Variants in CSMD1 observed in about 807,000 individuals in gnomAD.
CSMD1 encodes the protein CUB and sushi domain-containing protein 1.
In CSMD1, 213 loss-of-function variants were observed where a neutral mutation model predicts 417.5. That is an observed-to-expected ratio of 0.51 (90% CI 0.46 to 0.57). The LOEUF (loss-of-function observed/expected upper bound fraction) is 0.57. Among genes scored for constraint, CSMD1 ranks in the 20% least tolerant of loss-of-function variants. The probability of loss-of-function intolerance (pLI) is 0.00; values close to 1 mark genes in which losing one functional copy is unlikely to be tolerated. For synonymous variants in CSMD1, 2,862 were observed against 1,736.8 expected (o/e 1.65, Z -16.11); for missense variants, 6,923 against 4,529.7 (o/e 1.53, Z -15.17).
intron 7 of CSMD1, among the ~76,000 whole-genome samples, chr8:3,674,255 G>C (rs1799249449): frequency 1.3e-5 from 2 of 152,244 alleles, no homozygotes; most frequent in South Asian, 4.2e-4. Flanking sequence ...TTTGTTAGTT[G>C]ACTGTAACCC....
intron 7 of CSMD1, among the ~76,000 whole-genome samples, chr8:3,677,246 T>C (rs545894590): frequency 6.6e-6 from 1 of 152,172 alleles, no homozygotes; most frequent in Non-Finnish European, 1.5e-5. Flanking sequence ...CCAAGATTAA[T>C]AGCATGCATC....
chr8:3,292,107 G>C (rs138416719), intron 25 of CSMD1, among the ~76,000 whole-genome samples: 2,121 of 152,240 alleles, frequency 0.014, 20 homozygotes, highest in Non-Finnish European at 0.023. Context: ...TCAGGAGCAG[G>C]TTGTTCAGTT....
intron 3 of CSMD1, among the ~76,000 whole-genome samples, chr8:4,234,865 C>A (rs1330267937): frequency 1.2e-4 from 19 of 152,118 alleles, no homozygotes; most frequent in Non-Finnish European, 1.5e-5. Context: ...TCTGTCCCCA[C>A]GTAGCTTTTC....
chr8:3,196,189 C>T (rs1394238529), intron 33 of CSMD1, among the ~76,000 whole-genome samples: 1 of 152,278 alleles, frequency 6.6e-6, no homozygotes, highest in East Asian at 1.9e-4. Context: ...ACACTCCCAC[C>T]AGCACGATGA....
intron 5 of CSMD1, among the ~76,000 whole-genome samples, chr8:3,889,690 AC>A (rs1358676383): frequency 6.6e-6 from 1 of 151,460 alleles, no homozygotes; most frequent in Non-Finnish European, 1.5e-5. Flanking sequence ...ATGAAACTCA[AC>A]CTGGACTTCC....
At chr8:4,356,419 T>C (rs544926591) in intron 3 of CSMD1, among the ~76,000 whole-genome samples, 1 of 152,340 alleles carries the variant, frequency 6.6e-6, no homozygotes, top group African/African-American at 2.4e-5. Flanking sequence ...TTGTCAATTG[T>C]GCTACTATAA....
intron 1 of CSMD1, among the ~76,000 whole-genome samples, chr8:4,677,708 G>T (rs1346762544): frequency 6.6e-6 from 1 of 152,098 alleles, no homozygotes; most frequent in Non-Finnish European, 1.5e-5. Context: ...GTTAGATGCA[G>T]AAAACCCATT....
chr8:3,453,149 G>C (rs1376341364), intron 12 of CSMD1, among the ~76,000 whole-genome samples: 2 of 152,058 alleles, frequency 1.3e-5, no homozygotes, highest in Admixed American at 1.3e-4. Flanking sequence ...TATTTCCATG[G>C]GATTGGTGGT....
At chr8:4,377,413 C>T (rs992696832) in intron 3 of CSMD1, among the ~76,000 whole-genome samples, 1 of 152,112 alleles carries the variant, frequency 6.6e-6, no homozygotes, top group African/African-American at 2.4e-5. Context: ...TAAATCTATT[C>T]AGTTTTCAAT....
intron 1 of CSMD1, among the ~76,000 whole-genome samples, chr8:4,659,503 T>C (rs556685107): frequency 5.9e-5 from 9 of 152,226 alleles, no homozygotes; most frequent in African/African-American, 2.2e-4. Flanking sequence ...TGGATGAACC[T>C]TGAAAACATG....
intron 5 of CSMD1, among the ~76,000 whole-genome samples, chr8:3,890,939 G>A (rs1053497209): frequency 7.1e-6 from 1 of 141,698 alleles, no homozygotes; most frequent in Non-Finnish European, 1.5e-5. Context: ...TCTCTCATAC[G>A]ACTCTCATAC....
At position 4,116,134 on chromosome 8, in the gene CSMD1, C is replaced by T. The variant is rs1005787686; in HGVS notation, c.416-84035G>A. Reference sequence around the variant, plus strand: ...CTACCTCCCAAGTAGCTGGGATTTACAGGCGCGTACCACCGCACCCAGCTA... The same window carrying T: ...CTACCTCCCAAGTAGCTGGGATTTATAGGCGCGTACCACCGCACCCAGCTA... On this transcript the variant is annotated intron_variant, in intron 3 of 69. Coordinates refer to ENST00000635120, the MANE Select transcript of CSMD1 (RefSeq NM_033225.6). 5.3e-5 allele frequency among the ~76,000 whole-genome samples: 8 copies of T among 151,816 alleles called. 1 individual carries two copies. Among genetic ancestry groups the T allele is most frequent in the African/African-American group, 1.5e-4 (6 of 41,312 alleles).
chr8:4,269,665 C>G (rs558038997), intron 3 of CSMD1, among the ~76,000 whole-genome samples: 321 of 152,114 alleles, frequency 2.1e-3, no homozygotes, highest in African/African-American at 7.5e-3. Flanking sequence ...TTGCCTGATC[C>G]AAAATAAAAT....
intron 2 of CSMD1, among the ~76,000 whole-genome samples, chr8:4,462,299 G>C (rs7813696): frequency 0.11 from 16,178 of 152,064 alleles, 1,212 homozygotes; most frequent in East Asian, 0.31. Context: ...AACAAAATAA[G>C]TACAAAATAT....
At chr8:3,407,250 T>A (rs1812403002) in intron 14 of CSMD1, among the ~76,000 whole-genome samples, 1 of 148,072 alleles carries the variant, frequency 6.8e-6, no homozygotes, top group South Asian at 2.2e-4. Flanking sequence ...AAGGGAAGGA[T>A]GAATGGAAGG....
chr8:3,136,095 T>TC (rs938659622), intron 41 of CSMD1, among the ~76,000 whole-genome samples: 4 of 151,908 alleles, frequency 2.6e-5, no homozygotes, highest in Admixed American at 1.3e-4. Flanking sequence ...TGGATCTTTG[T>TC]CCCCCCCTCA....
chr8:3,917,140 G>A (rs1808886344), intron 5 of CSMD1, among the ~76,000 whole-genome samples: 2 of 152,150 alleles, frequency 1.3e-5, no homozygotes, highest in Admixed American at 1.3e-4. Context: ...GAGAATGAGT[G>A]CTTACCTGCT....
At chr8:4,864,692 G>A (rs1458590926) in intron 1 of CSMD1, among the ~76,000 whole-genome samples, 2 of 151,546 alleles carry the variant, frequency 1.3e-5, no homozygotes, top group South Asian at 4.2e-4. Context: ...TTAAATAAAG[G>A]TCTCTGCAGA....
chr8:2,949,461 C>A (rs1199272953), intron 67 of CSMD1, 75 bp from the exon 68 acceptor site: 3 of 706,452 alleles, frequency 4.2e-6, no homozygotes, highest in African/African-American at 1.8e-5. Flanking sequence ...TTTAATATAT[C>A]TTTTAATACA....
Sources: allele counts gnomAD v4.1 joint callset (sites outside exome capture counted in the v4.1 genomes callset), GRCh38; gene constraint gnomAD v4.1.1; transcripts MANE v1.5; gene names NCBI Gene and HGNC (gene_info 2026-07-23, HGNC 2026-07-21).